The following MIA2 variants were observed in gnomAD, a reference collection of about 807,000 sequenced individuals.
MIA2 encodes the protein MIA SH3 domain ER export factor 2, also known as melanoma inhibitory activity protein 2.
A neutral mutation model predicts 167.8 loss-of-function variants in MIA2; 127 were observed. That is an observed-to-expected ratio of 0.76 (90% confidence interval 0.66 to 0.88). MIA2 has a LOEUF of 0.88. Ranked by LOEUF, MIA2 falls within the 40% of genes least tolerant of loss-of-function variation. The pLI is 0.00. For missense variants in MIA2, 1,690 were observed against 1,624.7 expected, an observed-to-expected ratio of 1.04 and a Z score of -0.69; for synonymous variants, 552 against 541.9, an observed-to-expected ratio of 1.02 and a Z score of -0.26.
chr14:39,269,148 TC>T (rs2056662976), intron 6 of MIA2: 1 of 763,774 alleles, frequency 1.3e-6, no homozygotes, highest in Non-Finnish European at 1.6e-6. Context: ...ACAACATTGT[TC>T]CGCTTTAAAT....
chr14:39,300,951 CACATACATATACACATATAT>C (rs2152877729), intron 14 of MIA2, among the ~76,000 whole-genome samples: 1 of 3,040 alleles, frequency 3.3e-4, no homozygotes, highest in African/African-American at 5.2e-4. Flanking sequence ...TACATATATA[CACATACATATACACATATAT>C]ACACATATAT....
intron 9 of MIA2, among the ~76,000 whole-genome samples, chr14:39,290,798 A>G (rs553145201): frequency 6.6e-6 from 1 of 152,294 alleles, no homozygotes; most frequent in East Asian, 1.9e-4. Flanking sequence ...TTAGAGGTGA[A>G]GTTCTGGCAT....
chr14:39,265,165 A>G (rs2055400756), intron 6 of MIA2: 1 of 425,048 alleles, frequency 2.4e-6, no homozygotes, highest in Admixed American at 4.5e-5. Context: ...GTGAGTATAT[A>G]TATATATATA....
chr14:39,264,012 G>T (rs750674777), intron 6 of MIA2, among the ~76,000 whole-genome samples: 1 of 152,026 alleles, frequency 6.6e-6, no homozygotes, highest in Non-Finnish European at 1.5e-5. Flanking sequence ...GGTTGATTTC[G>T]TGATGCTGAG....
At chr14:39,325,658 C>T (rs1048601480) in intron 24 of MIA2, among the ~76,000 whole-genome samples, 64 of 151,500 alleles carry the variant, frequency 4.2e-4, no homozygotes, top group Non-Finnish European at 7.7e-4. Context: ...TGAGCCACCG[C>T]GCCTGGCCAA....
chr14:39,360,644 A>G (rs2074661944), intron 23 of MIA2, among the ~76,000 whole-genome samples: 1 of 152,180 alleles, frequency 6.6e-6, no homozygotes, highest in Non-Finnish European at 1.5e-5. Context: ...TGTGCTGTGC[A>G]TAAGCCTGTT....
chr14:39,265,443 A>T (rs776492481), intron 6 of MIA2: 1 of 1,588,804 alleles, frequency 6.3e-7, no homozygotes, highest in Non-Finnish European at 8.6e-7. Flanking sequence ...ACTATTAAGC[A>T]TACTGAAACA....
chr14:39,278,564 A>G (rs925893559), intron 7 of MIA2, among the ~76,000 whole-genome samples: 2 of 152,202 alleles, frequency 1.3e-5, no homozygotes, highest in African/African-American at 4.8e-5. Context: ...TCCTTTTACA[A>G]ATGAATTCCC....
chr14:39,288,343 G>T (rs948916956), intron 9 of MIA2, among the ~76,000 whole-genome samples: 2 of 149,326 alleles, frequency 1.3e-5, no homozygotes, highest in East Asian at 3.9e-4. Flanking sequence ...TGTTTTTTCT[G>T]TGTCAATTGG....
chr14:39,288,951 G>C (rs2060341077), intron 9 of MIA2, among the ~76,000 whole-genome samples: 1 of 152,008 alleles, frequency 6.6e-6, no homozygotes, highest in Non-Finnish European at 1.5e-5. Flanking sequence ...GTGGTTTCTT[G>C]GTCTGGCTTA....
intron 26 of MIA2, 59 bp from the exon 27 acceptor site, chr14:39,347,654 A>T (rs1595890295): frequency 1.3e-6 from 2 of 1,558,308 alleles, no homozygotes; most frequent in East Asian, 4.5e-5. Context: ...TGATCTGGAG[A>T]TACTCTAGGA....
rs1180961176 is a variant in MIA2 at position 39,319,230 on chromosome 14, A to G, written c.3306A>G (p.Lys1102=). ...GCAGATTAACTGAAACAGAGCTTAA[A>G]TTTGAACTTTTAGAAAAAGATCCTT... ...NRQKLTETEL[K]FELLEKDPYA... is the part of the protein sequence containing the mutation. The change falls in exon 23 of 29, where the codon AAA becomes AAG. Residue 1102 remains lysine (K), a synonymous_variant. Coordinates refer to ENST00000640607, the MANE Select transcript of MIA2 (RefSeq NM_001329214.4). 1 of 1,575,842 alleles carries G rather than the reference A, an allele frequency of 6.3e-7. No homozygotes were observed. Among genetic ancestry groups the G allele is most frequent in the Non-Finnish European group, 8.6e-7 (1 of 1,157,804 alleles).
At chr14:39,367,952 T>C (rs1414257608) in intron 23 of MIA2, among the ~76,000 whole-genome samples, 2 of 152,232 alleles carry the variant, frequency 1.3e-5, no homozygotes, top group Non-Finnish European at 2.9e-5. Context: ...TATCTTTTAA[T>C]GTTGTTGGTG....
chr14:39,299,284 TGTTCTAGATTAATGGTATTTC>T, intron 13 of MIA2, among the ~76,000 whole-genome samples: 1 of 148,658 alleles, frequency 6.7e-6, no homozygotes, highest in Non-Finnish European at 1.5e-5. Context: ...GAATCTGATC[TGTTCTAGATTAATGGTATTTC>T]TTTTTTTTTT....
At chr14:39,364,435 GT>G (rs112891428) in intron 23 of MIA2, among the ~76,000 whole-genome samples, 27,872 of 147,228 alleles carry the variant, frequency 0.19, 2,636 homozygotes, top group Middle Eastern at 0.28. Context: ...TGGTTTGTTG[GT>G]TTTTTTTTTG....
intron 23 of MIA2, chr14:39,385,609 G>T (rs1266478645): frequency 1.2e-5 from 10 of 812,978 alleles, no homozygotes; most frequent in Non-Finnish European, 2.0e-5. Context: ...TACTTGCTGG[G>T]TCTCTGGATT....
At chr14:39,234,356 A>G (rs764936845) in intron 1 of MIA2, 127 bp downstream of exon 1, 7 of 534,054 alleles carry the variant, frequency 1.3e-5, no homozygotes, top group African/African-American at 2.0e-5. Context: ...ATTATGAAGT[A>G]CAGCTTGGTA....
At chr14:39,322,699 G>A (rs2066696845) in intron 24 of MIA2, among the ~76,000 whole-genome samples, 2 of 152,068 alleles carry the variant, frequency 1.3e-5, no homozygotes, top group Admixed American at 1.3e-4. Context: ...GAAAACTCCT[G>A]TGTACCTGGA....
At chr14:39,265,393 A>G in intron 6 of MIA2, 1 of 1,609,390 alleles carries the variant, frequency 6.2e-7, no homozygotes, top group Non-Finnish European at 8.5e-7. Flanking sequence ...GCTTTTCAAG[A>G]AATGGAATTG....
Sources: allele counts gnomAD v4.1 joint callset (sites outside exome capture counted in the v4.1 genomes callset), GRCh38; gene constraint gnomAD v4.1.1; transcripts MANE v1.5; gene names NCBI Gene and HGNC (gene_info 2026-07-23, HGNC 2026-07-21).